Variants in SCRIB observed in about 807,000 individuals in gnomAD.
The protein encoded by SCRIB is scribble planar cell polarity protein.
SCRIB carries 72 observed loss-of-function variants against 170.0 expected under a neutral mutation model. The ratio of observed to expected loss-of-function variants is 0.42; its 90% confidence interval spans 0.35 to 0.52. SCRIB has a LOEUF of 0.52. Among genes scored for constraint, SCRIB ranks in the 20% least tolerant of loss-of-function variants. SCRIB has a pLI of 0.02. For synonymous variants in SCRIB, 1,298 were observed against 1,044.3 expected (o/e 1.24, Z -4.68); for missense variants, 2,475 against 2,338.5 (o/e 1.06, Z -1.20).
chr8:143,793,700 G>T (rs782425047), intron 28 of SCRIB, 200 bp downstream of exon 28: 44 of 534,062 alleles, frequency 8.2e-5, no homozygotes, highest in Non-Finnish European at 1.3e-4. Context: ...CCACCCCATC[G>T]CCAGGCAGCT....
intron 8 of SCRIB, 56 bp from the exon 9 acceptor site, chr8:143,812,440 C>A: frequency 7.4e-7 from 1 of 1,350,596 alleles, no homozygotes. Flanking sequence ...ACGTGCCTTA[C>A]CCACCTGGCC....
chr8:143,811,449 C>G, intron 9 of SCRIB, 104 bp from the exon 10 acceptor site: 3 of 1,029,226 alleles, frequency 2.9e-6, no homozygotes, highest in Non-Finnish European at 4.3e-6. Context: ...CCAGCTCCAG[C>G]CAGGGTCCCT....
chr8:143,792,791 A>G lies in SCRIB; in HGVS notation c.4094T>C (p.Val1365Ala). Reference protein sequence around the residue: ...RERQKYFELEVRVPQAEGPPK... With the variant: ...RERQKYFELEARVPQAEGPPK... ...GGGGCCCTCGGCCTGGGGCACGCGC[A>G]CCTCCAGCTCAAAGTACTTCTGCCG... is the stretch of plus-strand genomic sequence containing the variant. Residue 1365 changes from valine (V) to alanine (A), a missense_variant, in exon 30 of 37, where the codon GTG (valine) becomes GCG (alanine). This residue lies in a region of SCRIB where 1,966 missense variants were observed against 1,742.9 expected (regional missense o/e 1.13). Transcript: ENST00000356994. 1 of 1,575,096 alleles carries G rather than the reference A, an allele frequency of 6.3e-7. No individual in the cohort carries two copies. The highest frequency in any genetic ancestry group is 8.6e-7 in the Non-Finnish European group (1 of 1,163,146).
intron 24 of SCRIB, among the ~76,000 whole-genome samples, chr8:143,801,901 G>A (rs1372227830): frequency 6.6e-6 from 1 of 152,192 alleles, no homozygotes; most frequent in Non-Finnish European, 1.5e-5. Flanking sequence ...TGTCACGGCA[G>A]GCTCGTGGGG....
chr8:143,814,649 C>G (rs939373281), intron 1 of SCRIB, among the ~76,000 whole-genome samples: 26 of 152,248 alleles, frequency 1.7e-4, no homozygotes, highest in Middle Eastern at 3.2e-3. Context: ...CACCCAACCC[C>G]TAGGTACTGA....
chr8:143,794,955 G>C (rs1554633763), intron 27 of SCRIB, 83 bp downstream of exon 27: 1 of 1,391,634 alleles, frequency 7.2e-7, no homozygotes, highest in Non-Finnish European at 1.0e-6. Flanking sequence ...TTCCCTCCCG[G>C]ATGGCCCTGG....
intron 13 of SCRIB, among the ~76,000 whole-genome samples, chr8:143,809,989 G>A (rs923508046): frequency 6.6e-6 from 1 of 152,068 alleles, no homozygotes; most frequent in African/African-American, 2.4e-5. Context: ...AAGTTCCCAG[G>A]AAAATCCCAG....
Position 143,792,699 on chromosome 8 carries a change from GC to G in SCRIB, c.4177+8del, listed in dbSNP as rs1554633195. 2 of 1,587,284 alleles carry G rather than the reference GC, an allele frequency of 1.3e-6. No homozygotes were observed. Among genetic ancestry groups the G allele is most frequent in the Admixed American group, 3.4e-5 (2 of 58,004 alleles). ...GACCCAACCCCCACCCCACTTCCGTGCCCCTCACCTTCCTCCTCCTGCATCT... is the reference window on the plus strand; with the variant it reads ...GACCCAACCCCCACCCCACTTCCGTGCCCTCACCTTCCTCCTCCTGCATCT... On this transcript the variant is annotated splice_region_variant and intron_variant, in intron 30 of 36. Coordinates refer to ENST00000356994, the MANE Select transcript of SCRIB (RefSeq NM_182706.5).
At position 143,795,267 on chromosome 8, in the gene SCRIB, CCA is replaced by C. The variant is rs781905508; in HGVS notation, c.3771+8_3771+9del. 1 of 1,612,560 alleles carries C rather than the reference CCA, an allele frequency of 6.2e-7. No homozygotes were observed. Among genetic ancestry groups the C allele is most frequent in the East Asian group, 2.2e-5 (1 of 44,868 alleles). On this transcript the variant is annotated splice_region_variant and intron_variant, in intron 26 of 36. Coordinates refer to ENST00000356994, the MANE Select transcript of SCRIB (RefSeq NM_182706.5). ...GCCCTGATGTGAGGGGGTGGGGCGA[CCA>C]CACTCACTGCGGCTTCTGTGGCCTC... is the stretch of plus-strand genomic sequence containing the variant.
At chr8:143,801,690 C>T (rs1004522909) in intron 24 of SCRIB, among the ~76,000 whole-genome samples, 10 of 152,166 alleles carry the variant, frequency 6.6e-5, no homozygotes, top group African/African-American at 2.2e-4. Flanking sequence ...CCCGGGAAGA[C>T]GGAAGGACAT....
chr8:143,805,011 T>C lies in SCRIB; in HGVS notation c.2674A>G (p.Ile892Val). The C allele has an allele frequency of 6.3e-7, 1 of 1,587,042 alleles. No individual in the cohort carries two copies. Among genetic ancestry groups the C allele is most frequent in the South Asian group, 1.1e-5 (1 of 87,642 alleles). Reference sequence around the variant, plus strand: ...CCCTCGGCAATGCGGGAGACGAAGATGCCCTGCAGGGGAGGGTGGAGGAGG... The same window carrying C: ...CCCTCGGCAATGCGGGAGACGAAGACGCCCTGCAGGGGAGGGTGGAGGAGG... ...STPYRAGDAG[I>V]FVSRIAEGGA... The change falls in exon 20 of 37, where the codon ATC (isoleucine) becomes GTC (valine). Residue 892 changes from isoleucine to valine, a missense_variant. Coordinates refer to ENST00000356994, the MANE Select transcript of SCRIB (RefSeq NM_182706.5).
chr8:143,810,972 C>T lies in SCRIB; in HGVS notation c.1207G>A (p.Asp403Asn). 6.2e-7 allele frequency: 1 copy of T among 1,611,736 alleles called. No homozygotes were observed. The highest frequency in any genetic ancestry group is 8.5e-7 in the Non-Finnish European group (1 of 1,179,520). The change falls in exon 11 of 37, where the codon GAT (aspartate) becomes AAT (asparagine). Residue 403 changes from aspartate (D) to asparagine (N), a missense_variant. By Grantham distance (23) the Asp-to-Asn change is conservative. Transcript: ENST00000356994. ...AGCACCTTCTCGCCGGTCCGGGCAT[C>T]ATCCTCCGTCTGGAACCGGAGCATG... Reference protein sequence around the residue: ...QPMLRFQTEDDARTGEKVLTC... With the variant: ...QPMLRFQTEDNARTGEKVLTC...
chr8:143,810,788 C>G lies in SCRIB; in HGVS notation c.1302G>C (p.Ser434=). The change falls in exon 12 of 37, where the codon TCG becomes TCC. Residue 434 remains serine (S), a synonymous_variant. Coordinates refer to ENST00000356994, the MANE Select transcript of SCRIB (RefSeq NM_182706.5). ...TCGGCGGGGCATCGCTCCAGGTCTC[C>G]GAGAGGCTCCCCTGCTGCCCAGCAT... is the stretch of plus-strand genomic sequence containing the variant. ...LEDAGQQGSL[S]ETWSDAPPSR... is the part of the protein sequence containing the mutation. The G allele has an allele frequency of 6.2e-7, 1 of 1,604,036 alleles. No homozygotes were observed. Among genetic ancestry groups the G allele is most frequent in the Non-Finnish European group, 8.5e-7 (1 of 1,177,578 alleles).
chr8:143,795,012 G>C (rs1554633777), intron 27 of SCRIB, 26 bp downstream of exon 27: 1 of 1,600,360 alleles, frequency 6.2e-7, no homozygotes, highest in Non-Finnish European at 8.5e-7. Context: ...GACGGAGGTG[G>C]GGGGCACTGC....
At chr8:143,796,829 G>C (rs1202482594) in intron 24 of SCRIB, among the ~76,000 whole-genome samples, 1 of 152,178 alleles carries the variant, frequency 6.6e-6, no homozygotes, top group East Asian at 1.9e-4. Flanking sequence ...TGGGAAGCAA[G>C]GTCCCAGGTA....
chr8:143,814,237 A>G (rs974822830), intron 1 of SCRIB, 119 bp from the exon 2 acceptor site: 2 of 820,654 alleles, frequency 2.4e-6, no homozygotes, highest in Non-Finnish European at 3.9e-6. Flanking sequence ...TCCAGGTCAC[A>G]CCGGGTCCTG....
chr8:143,814,661 CA>C (rs1036774027), intron 1 of SCRIB, among the ~76,000 whole-genome samples: 5 of 152,236 alleles, frequency 3.3e-5, no homozygotes, highest in Non-Finnish European at 7.3e-5. Context: ...AGGTACTGAT[CA>C]CCCAGCACCC....
At chr8:143,800,027 A>C in intron 24 of SCRIB, among the ~76,000 whole-genome samples, 1 of 133,180 alleles carries the variant, frequency 7.5e-6, no homozygotes, top group Non-Finnish European at 1.6e-5. Context: ...CATGAATTGA[A>C]GCCCCCCCCC....
At position 143,812,254 on chromosome 8, in the gene SCRIB, G is replaced by T; in HGVS notation, c.906+12C>A. 2 of 1,563,710 alleles carry T rather than the reference G, an allele frequency of 1.3e-6. No homozygotes were observed. Among genetic ancestry groups the T allele is most frequent in the African/African-American group, 1.4e-5 (1 of 74,058 alleles). ...CGGCCCCATCCTTTCTGCCTCCCAA[G>T]CCAGACCCTACCATCAGCAGGTTCT... On this transcript the variant is annotated intron_variant, in intron 9 of 36. Transcript: ENST00000356994.
Sources: allele counts gnomAD v4.1 joint callset (sites outside exome capture counted in the v4.1 genomes callset), GRCh38; gene constraint gnomAD v4.1.1; regional missense constraint gnomAD v4.1.1; transcripts MANE v1.5; gene names NCBI Gene and HGNC (gene_info 2026-07-23, HGNC 2026-07-21).